TENM2: variants seen among roughly 807,000 people sequenced by gnomAD.
TENM2 encodes teneurin transmembrane protein 2.
Under a neutral mutation model 245.2 loss-of-function variants are expected in TENM2, and 52 were observed. The ratio of observed to expected loss-of-function variants is 0.21; its 90% CI spans 0.17 to 0.27. The LOEUF (loss-of-function observed/expected upper bound fraction) is 0.27. TENM2 is among the 10% of genes least tolerant of loss of function. The probability of loss-of-function intolerance (pLI) is 1.00; values close to 1 mark genes in which losing one functional copy is unlikely to be tolerated. For missense variants in TENM2, 3,046 were observed against 3,666.8 expected (o/e 0.83, Z 4.37); for synonymous variants, 1,363 against 1,438.9 (o/e 0.95, Z 1.19).
intron 3 of TENM2, among the ~76,000 whole-genome samples, chr5:167,907,616 G>A (rs1214183086): frequency 2.1e-5 from 3 of 140,186 alleles, no homozygotes; most frequent in Non-Finnish European, 4.6e-5. Context: ...ATAGAGCTAA[G>A]AATTTATGGC....
intron 2 of TENM2, among the ~76,000 whole-genome samples, chr5:167,651,851 A>G (rs1387653594): frequency 6.6e-6 from 1 of 152,166 alleles, no homozygotes; most frequent in Non-Finnish European, 1.5e-5. Flanking sequence ...ATACCCCAAG[A>G]AATTCTGGTC....
intron 4 of TENM2, among the ~76,000 whole-genome samples, chr5:167,978,216 C>T (rs1782582842): frequency 6.6e-6 from 1 of 152,192 alleles, no homozygotes; most frequent in Admixed American, 6.5e-5. Flanking sequence ...TCCTTAATAG[C>T]AACACAAAGT....
the TENM2 span, among the ~76,000 whole-genome samples, chr5:167,034,649 A>AAAAAG: frequency 2.0e-5 from 3 of 150,672 alleles, 1 homozygote; most frequent in African/African-American, 4.9e-5. Flanking sequence ...AAAAAAAAAA[A>AAAAAG]AAAAGAAAAT....
At chr5:167,333,434 AGTT>A (rs1289274836) in intron 1 of TENM2, among the ~76,000 whole-genome samples, 4 of 152,368 alleles carry the variant, frequency 2.6e-5, no homozygotes, top group Non-Finnish European at 4.4e-5. Context: ...ATATTGTGGT[AGTT>A]GTTGTTATTA....
At chr5:167,659,505 A>G (rs1429927115) in intron 2 of TENM2, among the ~76,000 whole-genome samples, 2 of 152,218 alleles carry the variant, frequency 1.3e-5, no homozygotes, top group African/African-American at 4.8e-5. Context: ...TTTCCTTTAT[A>G]CATTTATCCA....
chr5:167,578,963 G>A (rs1409767844), intron 2 of TENM2, among the ~76,000 whole-genome samples: 1 of 152,104 alleles, frequency 6.6e-6, no homozygotes, highest in Non-Finnish European at 1.5e-5. Context: ...TCTGTAACAC[G>A]GATTTTACCA....
the TENM2 span, among the ~76,000 whole-genome samples, chr5:167,044,431 AT>A: frequency 6.6e-6 from 1 of 152,300 alleles, no homozygotes; most frequent in East Asian, 1.9e-4. Context: ...GCATGCATCT[AT>A]GTGGTCATTG....
chr5:167,135,189 A>C, the TENM2 span, among the ~76,000 whole-genome samples: 1 of 152,148 alleles, frequency 6.6e-6, no homozygotes, highest in South Asian at 2.1e-4. Context: ...TATTAATCTC[A>C]TTCTATGACT....
chr5:167,681,242 T>C (rs1416642126), intron 2 of TENM2, among the ~76,000 whole-genome samples: 1 of 152,222 alleles, frequency 6.6e-6, no homozygotes, highest in Non-Finnish European at 1.5e-5. Flanking sequence ...ACATTGTTTT[T>C]CTTCTTTTCT....
intron 2 of TENM2, among the ~76,000 whole-genome samples, chr5:167,647,475 T>C (rs113356257): frequency 2.0e-5 from 3 of 151,732 alleles, no homozygotes; most frequent in Non-Finnish European, 4.4e-5. Flanking sequence ...ATACAAAAAT[T>C]AGCCGGGCGT....
At chr5:168,112,606 C>CGGGGGG (rs11446185) in intron 9 of TENM2, among the ~76,000 whole-genome samples, 21 of 64,100 alleles carry the variant, frequency 3.3e-4, no homozygotes, top group South Asian at 7.0e-4. Context: ...GTGCAGTGGG[C>CGGGGGG]GGGGGGGGGG....
chr5:167,286,735 A>C (rs1273543463), intron 1 of TENM2, among the ~76,000 whole-genome samples: 1 of 152,194 alleles, frequency 6.6e-6, no homozygotes, highest in Non-Finnish European at 1.5e-5. Context: ...TTAAAAGTGC[A>C]TCCTGGCTTC....
At chr5:168,167,303 T>C (rs529433493) in intron 13 of TENM2, among the ~76,000 whole-genome samples, 29 of 151,822 alleles carry the variant, frequency 1.9e-4, no homozygotes, top group Non-Finnish European at 1.5e-4. Flanking sequence ...CCTCTAAAAG[T>C]GGGAACTGCA....
chr5:167,859,389 A>C (rs1771459894), intron 2 of TENM2, among the ~76,000 whole-genome samples: 1 of 144,680 alleles, frequency 6.9e-6, no homozygotes, highest in Non-Finnish European at 1.5e-5. Context: ...GGGGGGGGTC[A>C]GCCCCCCGCC....
At chr5:168,102,068 T>C (rs1325404432) in intron 9 of TENM2, among the ~76,000 whole-genome samples, 1 of 151,876 alleles carries the variant, frequency 6.6e-6, no homozygotes, top group African/African-American at 2.4e-5. Context: ...TGTGTGTGTG[T>C]GCGTTTTGTT....
chr5:167,280,391 G>A (rs1432804445), upstream of TENM2, among the ~76,000 whole-genome samples: 2 of 152,176 alleles, frequency 1.3e-5, no homozygotes, highest in South Asian at 2.1e-4. Context: ...ATGCTCAGTG[G>A]GGGTGGACGA....
chr5:167,425,712 T>C (rs1763772356), intron 2 of TENM2, among the ~76,000 whole-genome samples: 1 of 152,146 alleles, frequency 6.6e-6, no homozygotes, highest in Non-Finnish European at 1.5e-5. Context: ...TCTCTCTGCG[T>C]CTCAGTTTCT....
At chr5:167,635,710 TCTCGG>T in intron 2 of TENM2, among the ~76,000 whole-genome samples, 1 of 139,000 alleles carries the variant, frequency 7.2e-6, no homozygotes, top group Middle Eastern at 3.9e-3. Flanking sequence ...AATGGCGCTA[TCTCGG>T]CTCACTGCAA....
At chr5:167,829,423 A>G (rs537466527) in intron 2 of TENM2, among the ~76,000 whole-genome samples, 48 of 152,352 alleles carry the variant, frequency 3.2e-4, no homozygotes, top group Admixed American at 1.2e-3. Flanking sequence ...TGGGGGTTCT[A>G]TGCCCAGAGA....
Sources: allele counts gnomAD v4.1 joint callset (sites outside exome capture counted in the v4.1 genomes callset), GRCh38; gene constraint gnomAD v4.1.1; transcripts MANE v1.5; gene names NCBI Gene and HGNC (gene_info 2026-07-23, HGNC 2026-07-21).